AGBL4: variants seen among roughly 807,000 people sequenced by gnomAD.
The protein encoded by AGBL4 is AGBL carboxypeptidase 4, also known as cytosolic carboxypeptidase 6.
AGBL4 carries 58 observed loss-of-function variants against 66.4 expected under a neutral mutation model. That is an observed-to-expected ratio of 0.87 (90% CI 0.71 to 1.09). AGBL4 has a LOEUF of 1.09. Ranked by LOEUF, AGBL4 falls within the 50% of genes least tolerant of loss-of-function variation. The pLI is 0.00. For missense variants in AGBL4, 579 were observed against 631.0 expected (o/e 0.92, Z 0.88); for synonymous variants, 234 against 222.9 (o/e 1.05, Z -0.44).
chr1:49,047,594 A>T (rs1644110799), intron 4 of AGBL4, among the ~76,000 whole-genome samples: 1 of 152,150 alleles, frequency 6.6e-6, no homozygotes, highest in Non-Finnish European at 1.5e-5. Context: ...TGGAAGTTGC[A>T]TGAGGAGTGA....
chr1:49,811,709 C>G (rs1156409878), intron 2 of AGBL4, among the ~76,000 whole-genome samples: 2 of 152,106 alleles, frequency 1.3e-5, no homozygotes, highest in African/African-American at 4.8e-5. Flanking sequence ...CCTGCATCAG[C>G]CTCCCAAAGT....
intron 3 of AGBL4, among the ~76,000 whole-genome samples, chr1:49,332,708 C>G (rs1199530033): frequency 6.6e-6 from 1 of 152,098 alleles, no homozygotes; most frequent in Non-Finnish European, 1.5e-5. Flanking sequence ...GTAATTATTA[C>G]ATTATACTGA....
rs567309546 is a variant in AGBL4 at position 48,997,939 on chromosome 1, G to T, written c.594+47645C>A. ...GATTGCAAATGCCTATAAAGTAAAA[G>T]AATCTGTCTTATAAGCCTTTCACAG... is the stretch of plus-strand genomic sequence containing the variant. On this transcript the variant is annotated intron_variant, in intron 5 of 13. Coordinates refer to ENST00000371839, the MANE Select transcript of AGBL4 (RefSeq NM_032785.4). Among the ~76,000 whole-genome samples the T allele has an allele frequency of 1.4e-4, 21 of 152,228 alleles. No homozygotes were observed. The South Asian group carries it at 1.5e-3, about 11-fold the overall frequency.
At chr1:48,701,489 T>C (rs762515176) in intron 6 of AGBL4, among the ~76,000 whole-genome samples, 2 of 151,944 alleles carry the variant, frequency 1.3e-5, no homozygotes, top group African/African-American at 2.4e-5. Context: ...TAGAGATAGA[T>C]CTCATTGTAT....
At chr1:48,980,008 T>C (rs1022333164) in intron 5 of AGBL4, among the ~76,000 whole-genome samples, 1 of 152,190 alleles carries the variant, frequency 6.6e-6, no homozygotes, top group Admixed American at 6.5e-5. Context: ...TTATTATGTC[T>C]ATAGTATTAT....
rs778575030 is a variant in AGBL4 at position 49,235,367 on chromosome 1, A to G, written c.377+10403T>C. ...CTGTTGCCCAAGGGCAGGAGCTAAGATTTGAATTTGGGTTTGACCATTTGA... is the reference window on the plus strand; with the variant it reads ...CTGTTGCCCAAGGGCAGGAGCTAAGGTTTGAATTTGGGTTTGACCATTTGA... On this transcript the variant is annotated intron_variant, in intron 4 of 13. Transcript: ENST00000371839. Among the ~76,000 whole-genome samples, 12 of 152,316 alleles carry G rather than the reference A, an allele frequency of 7.9e-5. No individual in the cohort carries two copies. In the South Asian group the frequency reaches 8.3e-4, roughly 11 times the overall value.
chr1:48,702,481 A>T (rs1190235718), intron 6 of AGBL4, among the ~76,000 whole-genome samples: 1 of 151,936 alleles, frequency 6.6e-6, no homozygotes, highest in South Asian at 2.1e-4. Context: ...TAGTAAAGAC[A>T]AGGTTCCACC....
chr1:48,968,055 GA>G (rs1397315982), intron 5 of AGBL4, among the ~76,000 whole-genome samples: 1 of 151,738 alleles, frequency 6.6e-6, no homozygotes, highest in Non-Finnish European at 1.5e-5. Flanking sequence ...CCTAAATGAA[GA>G]GAGAGTAAAA....
At chr1:49,717,651 G>A (rs949777424) in intron 2 of AGBL4, among the ~76,000 whole-genome samples, 1 of 151,986 alleles carries the variant, frequency 6.6e-6, no homozygotes, top group African/African-American at 2.4e-5. Flanking sequence ...TATTTACTAT[G>A]ACTATTGTTT....
chr1:48,964,593 C>T (rs991986888), intron 5 of AGBL4, among the ~76,000 whole-genome samples: 7 of 152,034 alleles, frequency 4.6e-5, no homozygotes, highest in African/African-American at 1.7e-4. Context: ...GATATGAATT[C>T]CTTCTCTTTT....
intron 11 of AGBL4, among the ~76,000 whole-genome samples, chr1:48,565,042 T>C (rs957086628): frequency 1.3e-5 from 2 of 152,214 alleles, no homozygotes; most frequent in African/African-American, 2.4e-5. Context: ...TGTGTGTAAA[T>C]AGCTGAAAAG....
At chr1:49,622,980 T>G (rs1226849232) in intron 3 of AGBL4, among the ~76,000 whole-genome samples, 2 of 152,202 alleles carry the variant, frequency 1.3e-5, no homozygotes, top group African/African-American at 2.4e-5. Flanking sequence ...CTCTGCAGTA[T>G]TTCAGGTCAA....
chr1:49,791,674 C>G (rs1245416209), intron 2 of AGBL4, among the ~76,000 whole-genome samples: 2 of 152,086 alleles, frequency 1.3e-5, no homozygotes, highest in Non-Finnish European at 2.9e-5. Flanking sequence ...TCTGTGCTGT[C>G]TCCATCCCTG....
chr1:49,495,875 A>G (rs770101543), intron 3 of AGBL4, among the ~76,000 whole-genome samples: 1 of 152,066 alleles, frequency 6.6e-6, no homozygotes, highest in Non-Finnish European at 1.5e-5. Context: ...TCCCATTAGA[A>G]AAACTATGAG....
chr1:49,168,798 G>T (rs1646679908), intron 4 of AGBL4, among the ~76,000 whole-genome samples: 1 of 152,156 alleles, frequency 6.6e-6, no homozygotes, highest in South Asian at 2.1e-4. Context: ...CCACAGGTGG[G>T]CCAGGATGGA....
At chr1:49,622,066 T>G (rs1032176852) in intron 3 of AGBL4, among the ~76,000 whole-genome samples, 3 of 152,200 alleles carry the variant, frequency 2.0e-5, no homozygotes, top group Non-Finnish European at 4.4e-5. Flanking sequence ...TGTGAAGGAT[T>G]TATTTTACTT....
intron 1 of AGBL4, among the ~76,000 whole-genome samples, chr1:49,948,045 T>TATATATATAC (rs1655512758): frequency 3.1e-4 from 2 of 6,546 alleles, no homozygotes; most frequent in Non-Finnish European, 8.2e-4. Flanking sequence ...TACATATAAA[T>TATATATATAC]ATATAAATAT....
intron 5 of AGBL4, chr1:49,025,729 C>A (rs888568518): frequency 6.6e-6 from 1 of 152,080 alleles, no homozygotes; most frequent in Non-Finnish European, 1.5e-5. Context: ...CATAGACATG[C>A]CCTAAATACA....
chr1:48,994,866 T>C (rs973522183), intron 5 of AGBL4, among the ~76,000 whole-genome samples: 1 of 152,158 alleles, frequency 6.6e-6, no homozygotes, highest in Non-Finnish European at 1.5e-5. Context: ...CAGGTACAGA[T>C]ACATAATTCC....
Sources: gnomAD v4.1 joint callset for allele counts (sites outside exome capture counted in the v4.1 genomes callset) on GRCh38, gnomAD v4.1.1 for gene constraint, MANE v1.5 for transcripts, NCBI Gene and HGNC (gene_info 2026-07-23, HGNC 2026-07-21) for gene names.